The following SGCD variants were observed in gnomAD, a reference collection of about 807,000 sequenced individuals.
The protein encoded by SGCD is sarcoglycan delta.
SGCD carries 18 observed loss-of-function variants against 36.6 expected under a neutral mutation model. The ratio of observed to expected loss-of-function variants is 0.49; its 90% confidence interval spans 0.34 to 0.73. The LOEUF is 0.73. SGCD is among the 30% of genes least tolerant of loss of function. SGCD has a pLI of 0.01. For missense variants in SGCD, 387 were observed against 346.7 expected (o/e 1.12, Z -0.92); for synonymous variants, 133 against 130.6 (o/e 1.02, Z -0.12).
In SGCD at chr5:156,647,498, A is replaced by G; in HGVS notation, c.537A>G (p.Glu179=). 1 of 1,587,660 alleles carries G rather than the reference A, an allele frequency of 6.3e-7. No homozygotes were observed. The highest frequency in any genetic ancestry group is 8.6e-7 in the Non-Finnish European group (1 of 1,165,222). Residue 179 remains glutamate (E), a synonymous_variant, in exon 7 of 9, where the codon GAA becomes GAG. Transcript: ENST00000337851. ...AEGTVFPKSI[E]TPNVRADPFK... ...GCACAGTGTTCCCTAAATCTATAGA[A>G]ACACCTAATGTCAGGGCAGACCCCT...
At chr5:155,803,168 T>C in the SGCD span, among the ~76,000 whole-genome samples, 1 of 152,200 alleles carries the variant, frequency 6.6e-6, no homozygotes, top group Non-Finnish European at 1.5e-5. Flanking sequence ...ATCAGTCTGA[T>C]CAAGAAAACA....
intron 1 of SGCD, among the ~76,000 whole-genome samples, chr5:155,980,971 C>T (rs934416558): frequency 3.3e-5 from 5 of 152,172 alleles, no homozygotes; most frequent in Non-Finnish European, 7.3e-5. Flanking sequence ...TCCAAAGGGG[C>T]AGTGTAAACT....
intron 6 of SGCD, among the ~76,000 whole-genome samples, chr5:156,602,012 TA>T: frequency 6.6e-6 from 1 of 152,296 alleles, no homozygotes; most frequent in East Asian, 1.9e-4. Context: ...GGGATTGCAT[TA>T]AATCGGTAGA....
At chr5:155,830,149 T>C in the SGCD span, among the ~76,000 whole-genome samples, 1 of 152,188 alleles carries the variant, frequency 6.6e-6, no homozygotes, top group Non-Finnish European at 1.5e-5. Flanking sequence ...CTTCTAAAGC[T>C]GCCATGACAA....
intron 1 of SGCD, among the ~76,000 whole-genome samples, chr5:156,108,860 A>G (rs1027340086): frequency 2.6e-5 from 4 of 152,150 alleles, no homozygotes; most frequent in Non-Finnish European, 5.9e-5. Context: ...CTATTATTTC[A>G]GGTTTGTGTT....
intron 3 of SGCD, among the ~76,000 whole-genome samples, chr5:156,127,106 G>A (rs548346169): frequency 6.6e-6 from 1 of 152,168 alleles, no homozygotes; most frequent in East Asian, 1.9e-4. Context: ...GCCTTAGTGT[G>A]TGTGTATGTG....
intron 1 of SGCD, among the ~76,000 whole-genome samples, chr5:155,910,938 T>C (rs1393965959): frequency 6.6e-6 from 1 of 152,136 alleles, no homozygotes; most frequent in Non-Finnish European, 1.5e-5. Context: ...ATGAAAATTG[T>C]AAGAGGATGA....
intron 7 of SGCD, among the ~76,000 whole-genome samples, chr5:156,699,068 T>A (rs1754430988): frequency 6.6e-6 from 1 of 152,194 alleles, no homozygotes; most frequent in Non-Finnish European, 1.5e-5. Context: ...CTGCTCTGTG[T>A]GGCATCCCGT....
chr5:156,140,996 G>A (rs73811414), intron 3 of SGCD, among the ~76,000 whole-genome samples: 1,888 of 152,236 alleles, frequency 0.012, 37 homozygotes, highest in African/African-American at 0.043. Flanking sequence ...GAGGCTTGCT[G>A]CCCAGGGCTT....
At chr5:156,080,569 G>T (rs1581086348) in intron 1 of SGCD, among the ~76,000 whole-genome samples, 1 of 152,150 alleles carries the variant, frequency 6.6e-6, no homozygotes, top group Non-Finnish European at 1.5e-5. Context: ...AAAGCAGCCA[G>T]GCCATTTCTT....
At chr5:155,910,830 T>C (rs1377748548) in intron 1 of SGCD, among the ~76,000 whole-genome samples, 1 of 152,156 alleles carries the variant, frequency 6.6e-6, no homozygotes, top group Admixed American at 6.6e-5. Flanking sequence ...CCCCCAATCT[T>C]ATGATTCATT....
At chr5:156,642,445 G>A (rs1435548428) in intron 6 of SGCD, among the ~76,000 whole-genome samples, 2 of 148,184 alleles carry the variant, frequency 1.3e-5, no homozygotes, top group African/African-American at 2.5e-5. Flanking sequence ...GCTAAGAATG[G>A]CCTAGCAGCA....
chr5:156,231,500 C>A (rs1241418154), intron 3 of SGCD, among the ~76,000 whole-genome samples: 1 of 152,138 alleles, frequency 6.6e-6, no homozygotes, highest in African/African-American at 2.4e-5. Flanking sequence ...CGCCCCACTG[C>A]ACTCTATCCT....
intron 3 of SGCD, among the ~76,000 whole-genome samples, chr5:156,389,119 C>T (rs1771429594): frequency 6.6e-6 from 1 of 152,172 alleles, no homozygotes; most frequent in Admixed American, 6.5e-5. Context: ...TGAAGCTTCC[C>T]CTCTCCAAGC....
chr5:155,850,277 AG>A, the SGCD span, among the ~76,000 whole-genome samples: 6 of 152,130 alleles, frequency 3.9e-5, no homozygotes, highest in African/African-American at 1.4e-4. Flanking sequence ...CTTTTATCCA[AG>A]GGCCCTTACT....
At chr5:156,148,143 A>G (rs2127613746) in intron 3 of SGCD, among the ~76,000 whole-genome samples, 1 of 152,350 alleles carries the variant, frequency 6.6e-6, no homozygotes, top group East Asian at 1.9e-4. Flanking sequence ...TGAAGATGAG[A>G]AAAGAAAGAC....
chr5:156,467,482 C>T (rs1374435931), intron 3 of SGCD, among the ~76,000 whole-genome samples: 2 of 152,112 alleles, frequency 1.3e-5, no homozygotes, highest in Non-Finnish European at 2.9e-5. Flanking sequence ...CCCAGAAACA[C>T]CTGTATGGAA....
intron 3 of SGCD, among the ~76,000 whole-genome samples, chr5:156,412,205 G>C (rs1055618385): frequency 2.0e-5 from 3 of 152,214 alleles, no homozygotes; most frequent in Admixed American, 6.5e-5. Context: ...TCCTACCTGG[G>C]TGAGACACAG....
intron 1 of SGCD, among the ~76,000 whole-genome samples, chr5:156,116,611 C>A (rs1761911270): frequency 6.6e-6 from 1 of 152,068 alleles, no homozygotes; most frequent in Non-Finnish European, 1.5e-5. Flanking sequence ...GAGTTCAGGT[C>A]TCAGCAGGAA....
Sources: allele counts gnomAD v4.1 joint callset (sites outside exome capture counted in the v4.1 genomes callset), GRCh38; gene constraint gnomAD v4.1.1; transcripts MANE v1.5; gene names NCBI Gene and HGNC (gene_info 2026-07-23, HGNC 2026-07-21).